The following TNFRSF10C variants were observed in gnomAD, a reference collection of about 807,000 sequenced individuals.
TNFRSF10C encodes the protein tumor necrosis factor receptor superfamily member 10C.
In TNFRSF10C, 17 loss-of-function variants were observed where a neutral mutation model predicts 16.7. The observed-to-expected ratio is 1.02, with a 90% CI of 0.70 to 1.53. The LOEUF is 1.53. Among genes scored for constraint, TNFRSF10C ranks in the 40% most tolerant of loss-of-function variants. The probability of loss-of-function intolerance (pLI) is 0.00; values close to 1 mark genes in which losing one functional copy is unlikely to be tolerated. For synonymous variants in TNFRSF10C, 73 were observed against 119.7 expected (o/e 0.61, Z 2.55); for missense variants, 237 against 329.7 (o/e 0.72, Z 2.18).
At chr8:23,105,687 C>T (rs945121040) in intron 1 of TNFRSF10C, among the ~76,000 whole-genome samples, 2 of 152,192 alleles carry the variant, frequency 1.3e-5, no homozygotes, top group African/African-American at 2.4e-5. Flanking sequence ...CAGTTCTGGT[C>T]CTCTGTCGTG....
At chr8:23,116,501 G>C in intron 4 of TNFRSF10C, 140 bp from the exon 5 acceptor site, 2 of 1,222,002 alleles carry the variant, frequency 1.6e-6, no homozygotes, top group Non-Finnish European at 2.2e-6. Context: ...GAGGGAACTT[G>C]GGGGACCCCC....
At chr8:23,104,042 T>C (rs955091076) in intron 1 of TNFRSF10C, among the ~76,000 whole-genome samples, 1 of 152,234 alleles carries the variant, frequency 6.6e-6, no homozygotes, top group Admixed American at 6.5e-5. Context: ...AGAAAAGCAG[T>C]AACATTTTCA....
intron 1 of TNFRSF10C, among the ~76,000 whole-genome samples, chr8:23,108,026 C>G (rs967351157): frequency 6.6e-6 from 1 of 152,116 alleles, no homozygotes; most frequent in Non-Finnish European, 1.5e-5. Flanking sequence ...GCGGCGAATC[C>G]GTATGCGTCC....
rs1191050816 is a variant in TNFRSF10C, at chr8:23,103,007, A to G, written c.-115A>G. ...TTTTGGGAGTTTGACCAGAGATGCA[A>G]GGGGTGAAGGAGCGCTTCCTACCGT... On this transcript the variant is annotated 5_prime_UTR_variant, in exon 1 of 5. Transcript: ENST00000356864. 4 of 1,546,516 alleles carry G rather than the reference A, an allele frequency of 2.6e-6. No homozygotes were observed. In the South Asian group the frequency reaches 4.8e-5, roughly 18 times the overall value.
At position 23,114,762 on chromosome 8, in the gene TNFRSF10C, G is replaced by A. The variant is rs139657865; in HGVS notation, c.272G>A (p.Cys91Tyr). ...CCTTCTTGCTTCCCATGTACAGTTT[G>A]TAAATCAGGTACAGAATGTGTGGAC... ...NEPSCFPCTV[C>Y]KSDQKHKSSC... The change falls in exon 3 of 5, where the codon TGT becomes TAT. Residue 91 changes from cysteine to tyrosine, a missense_variant. Cys to Tyr is a radical substitution (Grantham distance 194). Around this residue, in one of 2 missense-constraint regions of TNFRSF10C, gnomAD observed 212 missense variants for 196.8 expected, o/e 1.08. Transcript: ENST00000356864. 5.6e-6 allele frequency: 9 copies of A among 1,613,278 alleles called. No homozygotes were observed. The highest frequency in any genetic ancestry group is 7.6e-6 in the Non-Finnish European group (9 of 1,179,318).
Position 23,111,808 on chromosome 8 carries a change from G to C in TNFRSF10C, c.149G>C (p.Gly50Ala), listed in dbSNP as rs1305874155. Reference protein sequence around the residue: ...APQQQRHSFKGEECPAGSHRS... With the variant: ...APQQQRHSFKAEECPAGSHRS... ...CAGCAACAGAGGCACAGCTTCAAGGGGGAGGAGTGTCCAGCAGGTGCACTC... is the reference window on the plus strand; with the variant it reads ...CAGCAACAGAGGCACAGCTTCAAGGCGGAGGAGTGTCCAGCAGGTGCACTC... The change falls in exon 2 of 5, where the codon GGG becomes GCG. Residue 50 changes from glycine (G) to alanine (A), a missense_variant. By Grantham distance (60) the Gly-to-Ala change is moderately conservative. Coordinates refer to ENST00000356864, the MANE Select transcript of TNFRSF10C (RefSeq NM_003841.5). 1.2e-6 allele frequency: 2 copies of C among 1,612,874 alleles called. No homozygotes were observed.
intron 1 of TNFRSF10C, among the ~76,000 whole-genome samples, chr8:23,108,687 C>T (rs11779793): frequency 6.6e-6 from 1 of 152,144 alleles, no homozygotes; most frequent in Non-Finnish European, 1.5e-5. Context: ...AAGAGATTAA[C>T]TCAGCTGTTT....
intron 1 of TNFRSF10C, among the ~76,000 whole-genome samples, chr8:23,104,575 C>T (rs994413411): frequency 3.1e-4 from 47 of 152,202 alleles, no homozygotes; most frequent in African/African-American, 1.1e-3. Context: ...TCTACTTCTC[C>T]TTCTGTGGGA....
intron 1 of TNFRSF10C, among the ~76,000 whole-genome samples, chr8:23,104,875 T>C (rs1813747317): frequency 6.6e-6 from 1 of 152,210 alleles, no homozygotes; most frequent in Non-Finnish European, 1.5e-5. Flanking sequence ...TTCTGAGCTG[T>C]GCACTTGGAA....
At chr8:23,103,388 G>C in intron 1 of TNFRSF10C, 1 of 875,336 alleles carries the variant, frequency 1.1e-6, no homozygotes, top group Non-Finnish European at 1.8e-6. Context: ...GCAGAGAGGC[G>C]GTCCCCCTGG....
chr8:23,111,251 A>G (rs1366348972), intron 1 of TNFRSF10C, among the ~76,000 whole-genome samples: 1 of 150,154 alleles, frequency 6.7e-6, no homozygotes, highest in African/African-American at 2.5e-5. Context: ...GGAGTCTCGC[A>G]CTGTCACCAC....
At chr8:23,105,990 G>C (rs1375554978) in intron 1 of TNFRSF10C, among the ~76,000 whole-genome samples, 1 of 152,260 alleles carries the variant, frequency 6.6e-6, no homozygotes, top group Non-Finnish European at 1.5e-5. Context: ...TTCCTCAGCA[G>C]AGTTCACAGG....
At chr8:23,107,188 CA>C (rs1327724304) in intron 1 of TNFRSF10C, among the ~76,000 whole-genome samples, 1 of 152,056 alleles carries the variant, frequency 6.6e-6, no homozygotes, top group East Asian at 1.9e-4. Flanking sequence ...ACAACAACAA[CA>C]AAAAACCAAA....
Position 23,117,155 on chromosome 8 carries a change from C to A in TNFRSF10C, c.*124C>A. The A allele has an allele frequency of 7.0e-7, 1 of 1,421,198 alleles. No individual in the cohort carries two copies. The highest frequency in any genetic ancestry group is 9.5e-7 in the Non-Finnish European group (1 of 1,056,940). 88.0% of individuals were successfully genotyped at this position (1,421,198 alleles called of 1,614,324 possible). A position where few individuals can be genotyped will look rare whatever the true frequency, so the allele number is the denominator to read the frequency against. ...TCTGCTGTGTTCCCACAGACAGAAA[C>A]GCCTGCCCCTGCCCCAAGTCCTGGT... On this transcript the variant is annotated 3_prime_UTR_variant, in exon 5 of 5. Transcript: ENST00000356864.
At chr8:23,113,294 T>A (rs1223749579) in intron 2 of TNFRSF10C, among the ~76,000 whole-genome samples, 3 of 152,236 alleles carry the variant, frequency 2.0e-5, no homozygotes, top group Admixed American at 2.0e-4. Flanking sequence ...AGAACCTTTT[T>A]AGTGTAATGT....
At chr8:23,104,618 C>A (rs1007873483) in intron 1 of TNFRSF10C, among the ~76,000 whole-genome samples, 1 of 152,188 alleles carries the variant, frequency 6.6e-6, no homozygotes, top group Non-Finnish European at 1.5e-5. Flanking sequence ...TAAATGTTCA[C>A]GAATTTTCCT....
In TNFRSF10C at chr8:23,115,569, C is replaced by T. The variant is rs371508678; in HGVS notation, c.342C>T (p.Gly114=). ...ACACAGTGTGTCAGTGTAAAGAAGG[C>T]ACCTTCCGGAATGAAAACTCCCCAG... ...TRDTVCQCKE[G]TFRNENSPEM... Residue 114 remains glycine (G), a synonymous_variant, in exon 4 of 5, where the codon GGC becomes GGT. Coordinates refer to ENST00000356864, the MANE Select transcript of TNFRSF10C (RefSeq NM_003841.5). 6.2e-6 allele frequency: 10 copies of T among 1,613,674 alleles called. No homozygotes were observed. The African/African-American group carries it at 9.3e-5, about 15-fold the overall frequency.
At chr8:23,108,296 C>A (rs10081591) in intron 1 of TNFRSF10C, among the ~76,000 whole-genome samples, 116,615 of 152,086 alleles carry the variant, frequency 0.77, 45,031 homozygotes, top group African/African-American at 0.85. Flanking sequence ...ATAGGTTGGC[C>A]TACTTCCAGG....
chr8:23,103,129 G>C lies in TNFRSF10C; in HGVS notation c.8G>C (p.Arg3Pro). Residue 3 changes from arginine (R) to proline (P), a missense_variant, in exon 1 of 5, where the codon CGG (arginine) becomes CCG (proline). Arg to Pro is a moderately radical substitution (Grantham distance 103). Coordinates refer to ENST00000356864, the MANE Select transcript of TNFRSF10C (RefSeq NM_003841.5). ...GGCGTCGGGAACCATACCATGGCCCGGATCCCCAAGACCCTAAAGTTCGTC... is the reference window on the plus strand; with the variant it reads ...GGCGTCGGGAACCATACCATGGCCCCGATCCCCAAGACCCTAAAGTTCGTC... MA[R>P]IPKTLKFVVV... 2 of 1,611,912 alleles carry C rather than the reference G, an allele frequency of 1.2e-6. No homozygotes were observed. Among genetic ancestry groups the C allele is most frequent in the African/African-American group, 2.7e-5 (2 of 75,002 alleles).
Sources: allele counts gnomAD v4.1 joint callset (sites outside exome capture counted in the v4.1 genomes callset), GRCh38; gene constraint gnomAD v4.1.1; regional missense constraint gnomAD v4.1.1; transcripts MANE v1.5; gene names NCBI Gene and HGNC (gene_info 2026-07-23, HGNC 2026-07-21).